Variants in SPIRE1 observed in about 807,000 individuals in gnomAD.
SPIRE1 encodes the protein protein spire homolog 1.
SPIRE1 carries 40 observed loss-of-function variants against 94.1 expected under a neutral mutation model. The ratio of observed to expected loss-of-function variants is 0.43; its 90% CI spans 0.33 to 0.55. SPIRE1 has a LOEUF of 0.55. SPIRE1 is among the 20% of genes least tolerant of loss of function. The pLI, the probability that SPIRE1 is intolerant of heterozygous loss-of-function variation, is 0.06. For missense variants in SPIRE1, 838 were observed against 975.2 expected, an observed-to-expected ratio of 0.86 and a Z score of 1.87; for synonymous variants, 376 against 371.7, an observed-to-expected ratio of 1.01 and a Z score of -0.13.
At chr18:12,616,799 T>G (rs2144716669) in intron 2 of SPIRE1, among the ~76,000 whole-genome samples, 1 of 152,360 alleles carries the variant, frequency 6.6e-6, no homozygotes, top group Admixed American at 6.5e-5. Flanking sequence ...TACATTCATG[T>G]GCTACGTTTT....
At chr18:12,586,109 C>A (rs1018006354) in intron 2 of SPIRE1, among the ~76,000 whole-genome samples, 2 of 152,124 alleles carry the variant, frequency 1.3e-5, no homozygotes, top group Non-Finnish European at 2.9e-5. Context: ...TGCCATCACG[C>A]CCTGCTAATT....
At chr18:12,542,865 C>T (rs898966384) in intron 3 of SPIRE1, among the ~76,000 whole-genome samples, 3 of 152,088 alleles carry the variant, frequency 2.0e-5, no homozygotes, top group Non-Finnish European at 4.4e-5. Context: ...CTTGCTCCAT[C>T]GCCCAGGCTG....
At chr18:12,576,846 G>A (rs556407716) in intron 2 of SPIRE1, among the ~76,000 whole-genome samples, 64 of 138,240 alleles carry the variant, frequency 4.6e-4, no homozygotes, top group African/African-American at 1.6e-3. Context: ...CCGAGATTGC[G>A]CCACTGCACT....
rs140647765 is a variant in SPIRE1 at position 12,506,574 on chromosome 18, C to T, written c.875G>A (p.Arg292Gln). 3.0e-5 allele frequency: 49 copies of T among 1,613,896 alleles called. No homozygotes were observed. The highest frequency in any genetic ancestry group is 8.5e-6 in the Non-Finnish European group (10 of 1,179,970). ...NGVKLKKVQERQYNPLPIEYQ... is the reference protein window; with the variant it reads ...NGVKLKKVQEQQYNPLPIEYQ... ...TTCAATGGGCAAAGGGTTGTACTGC[C>T]GCTCTTGGACCTTCTTAAGTTTTAC... The change falls in exon 6 of 17, where the codon CGG (arginine) becomes CAG (glutamine). Residue 292 changes from arginine (R) to glutamine (Q), a missense_variant. Arg to Gln is a conservative substitution (Grantham distance 43). Coordinates refer to ENST00000409402, the MANE Select transcript of SPIRE1 (RefSeq NM_001128626.2).
intron 10 of SPIRE1, among the ~76,000 whole-genome samples, chr18:12,476,588 T>C (rs4797691): frequency 0.047 from 4,915 of 104,056 alleles, 137 homozygotes; most frequent in African/African-American, 0.075. Flanking sequence ...TATATATATA[T>C]ACACACACAC....
chr18:12,586,476 C>T (rs113981992), intron 2 of SPIRE1, among the ~76,000 whole-genome samples: 158 of 152,234 alleles, frequency 1.0e-3, no homozygotes, highest in African/African-American at 3.7e-3. Flanking sequence ...AAGCATCAGA[C>T]CACTAAGGCC....
intron 16 of SPIRE1, chr18:12,451,071 T>TA: frequency 2.3e-5 from 9 of 388,508 alleles, no homozygotes; most frequent in East Asian, 5.2e-5. Flanking sequence ...ACTGTCCATT[T>TA]GAAAAAAAAA....
chr18:12,632,942 T>C (rs1034674610), intron 2 of SPIRE1, among the ~76,000 whole-genome samples: 1 of 152,228 alleles, frequency 6.6e-6, no homozygotes, highest in African/African-American at 2.4e-5. Flanking sequence ...TAAATGCAGA[T>C]GAATGCTGAC....
intron 2 of SPIRE1, among the ~76,000 whole-genome samples, chr18:12,614,889 T>C (rs1037046599): frequency 6.6e-6 from 1 of 150,548 alleles, no homozygotes; most frequent in East Asian, 2.0e-4. Context: ...GATCTTCACA[T>C]AAAATCCAAA....
chr18:12,657,217 G>A (rs1305882854), intron 1 of SPIRE1, among the ~76,000 whole-genome samples: 2 of 152,170 alleles, frequency 1.3e-5, no homozygotes, highest in Non-Finnish European at 2.9e-5. Flanking sequence ...TCCCAAACGC[G>A]CCGCGGGCAG....
In SPIRE1 at chr18:12,565,956, C is replaced by A. The variant is rs2035808483; in HGVS notation, c.373-19052G>T. ...GGCTGAGGGAGTAGATCGCTTGAAC[C>A]TGGGAGGTGGAGGTTGCAGTGAGCC... On this transcript the variant is annotated intron_variant, in intron 2 of 16. Transcript: ENST00000409402. 3.3e-5 allele frequency among the ~76,000 whole-genome samples: 5 copies of A among 150,486 alleles called. No homozygotes were observed. In the South Asian group the frequency reaches 1.1e-3, roughly 32 times the overall value.
Position 12,461,831 on chromosome 18 carries a change from T to G in SPIRE1, c.1638+1520A>C, listed in dbSNP as rs373460197. Among the ~76,000 whole-genome samples, 17 of 152,274 alleles carry G rather than the reference T, an allele frequency of 1.1e-4. No individual in the cohort carries two copies. In the East Asian group the frequency reaches 2.9e-3, roughly 26 times the overall value. Reference sequence around the variant, plus strand: ...AAAATTTTGTACAGACAGGGGTTTCTTAAGTTGCCCAGGCTGGTCTCAAAC... The same window carrying G: ...AAAATTTTGTACAGACAGGGGTTTCGTAAGTTGCCCAGGCTGGTCTCAAAC... On this transcript the variant is annotated intron_variant, in intron 12 of 16. Transcript: ENST00000409402.
intron 4 of SPIRE1, among the ~76,000 whole-genome samples, chr18:12,529,320 T>C (rs1598439459): frequency 6.6e-6 from 1 of 150,556 alleles, no homozygotes; most frequent in Admixed American, 6.6e-5. Context: ...AGTGAGCTGA[T>C]ATTGCGCCAC....
intron 8 of SPIRE1, among the ~76,000 whole-genome samples, chr18:12,491,314 CACAAAAG>C (rs966610942): frequency 8.2e-5 from 11 of 134,138 alleles, no homozygotes; most frequent in Non-Finnish European, 1.2e-4. Flanking sequence ...CCTATGGAAC[CACAAAAG>C]ACAATGAATA....
rs531359923 is a variant in SPIRE1, at chr18:12,621,881, CA to C, written c.372+13180del. ...TTTTTAAAAAAATTAGAAACATCAT[CA>C]AAAAATTAGGAAATGGTCATAAACC... is the stretch of plus-strand genomic sequence containing the variant. On this transcript the variant is annotated intron_variant, in intron 2 of 16. Coordinates refer to ENST00000409402, the MANE Select transcript of SPIRE1 (RefSeq NM_001128626.2). 4.6e-3 allele frequency among the ~76,000 whole-genome samples: 707 copies of C among 152,154 alleles called. 6 individuals are homozygous for C. The highest frequency in any genetic ancestry group is 0.016 in the African/African-American group (668 of 41,524).
chr18:12,472,895 C>T (rs2032419012), intron 10 of SPIRE1, among the ~76,000 whole-genome samples: 1 of 152,106 alleles, frequency 6.6e-6, no homozygotes, highest in African/African-American at 2.4e-5. Flanking sequence ...TGGGTTCAAG[C>T]AATTCTCCTG....
intron 4 of SPIRE1, among the ~76,000 whole-genome samples, chr18:12,524,667 A>G (rs966466954): frequency 1.3e-5 from 2 of 152,190 alleles, no homozygotes; most frequent in Admixed American, 6.5e-5. Flanking sequence ...TGAATTGTGC[A>G]GAATTACACA....
chr18:12,653,910 C>T (rs2038450551), intron 1 of SPIRE1, among the ~76,000 whole-genome samples: 1 of 150,844 alleles, frequency 6.6e-6, no homozygotes, highest in Admixed American at 6.6e-5. Context: ...TGCGCCATTG[C>T]ACTCCAGCCT....
At chr18:12,596,924 T>C (rs991779687) in intron 2 of SPIRE1, among the ~76,000 whole-genome samples, 1 of 146,906 alleles carries the variant, frequency 6.8e-6, no homozygotes, top group Non-Finnish European at 1.5e-5. Flanking sequence ...TCACCTGCAC[T>C]GTCCTGCTAA....
Sources: allele counts gnomAD v4.1 joint callset (sites outside exome capture counted in the v4.1 genomes callset), GRCh38; gene constraint gnomAD v4.1.1; transcripts MANE v1.5; gene names NCBI Gene and HGNC (gene_info 2026-07-23, HGNC 2026-07-21).